Variants in CCDC15 observed in about 807,000 individuals in gnomAD.
CCDC15 encodes coiled-coil domain containing 15.
CCDC15 carries 105 observed loss-of-function variants against 114.5 expected under a neutral mutation model. That is an observed-to-expected ratio of 0.92 (90% CI 0.78 to 1.08). The LOEUF is 1.08. Ranked by LOEUF, CCDC15 falls within the 50% of genes least tolerant of loss-of-function variation. CCDC15 has a pLI of 0.00. For synonymous variants in CCDC15, 334 were observed against 377.8 expected (o/e 0.88, Z 1.34); for missense variants, 1,105 against 1,093.6 (o/e 1.01, Z -0.15).
chr11:125,018,482 C>G (rs760776655), intron 13 of CCDC15, among the ~76,000 whole-genome samples: 33 of 151,944 alleles, frequency 2.2e-4, no homozygotes, highest in Non-Finnish European at 2.1e-4. Flanking sequence ...GGAAATAGAT[C>G]ATTATAATAC....
rs551136661 is a variant in CCDC15 at position 125,011,532 on chromosome 11, G to A, written c.2411+6320G>A. On this transcript the variant is annotated intron_variant, in intron 13 of 15. Coordinates refer to ENST00000344762, the MANE Select transcript of CCDC15 (RefSeq NM_025004.3). Reference sequence around the variant, plus strand: ...ATTACAGGGTTGAGCCACCATGCCCGGCCGAAGTATTCTTTATTTAGAAGA... The same window carrying A: ...ATTACAGGGTTGAGCCACCATGCCCAGCCGAAGTATTCTTTATTTAGAAGA... Among the ~76,000 whole-genome samples the A allele has an allele frequency of 4.6e-3, 696 of 152,088 alleles. 3 individuals carry two copies. Among genetic ancestry groups the A allele is most frequent in the Middle Eastern group, 0.014 (4 of 294 alleles).
Position 124,959,988 on chromosome 11 carries a change from A to T in CCDC15, c.501A>T (p.Gln167His). ...EDEENQNELF[Q>H]QQAQALSETM... ...AAGAGAATCAGAACGAATTATTCCAACAACAAGCCCAGGCTGTAAGTACCT... is the reference window on the plus strand; with the variant it reads ...AAGAGAATCAGAACGAATTATTCCATCAACAAGCCCAGGCTGTAAGTACCT... The change falls in exon 4 of 16, where the codon CAA becomes CAT. Residue 167 changes from glutamine to histidine, a missense_variant. Transcript: ENST00000344762. 1 of 1,566,544 alleles carries T rather than the reference A, an allele frequency of 6.4e-7. No individual in the cohort carries two copies. Among genetic ancestry groups the T allele is most frequent in the Non-Finnish European group, 8.7e-7 (1 of 1,154,222 alleles).
chr11:124,963,918 C>A (rs113628156), intron 4 of CCDC15, among the ~76,000 whole-genome samples: 1 of 152,100 alleles, frequency 6.6e-6, no homozygotes, highest in Non-Finnish European at 1.5e-5. Flanking sequence ...CCATTTCTTG[C>A]TTTTGTCAGA....
chr11:124,985,959 A>G (rs772001616), intron 6 of CCDC15, among the ~76,000 whole-genome samples: 30 of 151,930 alleles, frequency 2.0e-4, no homozygotes, highest in African/African-American at 4.8e-5. Flanking sequence ...ATTTATTCCT[A>G]TGTGTTCTTT....
intron 11 of CCDC15, among the ~76,000 whole-genome samples, chr11:125,000,261 G>C (rs996405603): frequency 6.6e-6 from 1 of 152,132 alleles, no homozygotes; most frequent in Non-Finnish European, 1.5e-5. Context: ...CAGGCAGTCA[G>C]CCTGGTTAAA....
At chr11:125,030,165 C>T (rs1448367523) in intron 13 of CCDC15, among the ~76,000 whole-genome samples, 1 of 152,100 alleles carries the variant, frequency 6.6e-6, no homozygotes, top group African/African-American at 2.4e-5. Context: ...GGTGCTACTT[C>T]CACCCCTTGA....
At chr11:125,039,423 T>G in intron 15 of CCDC15, 1 of 184,860 alleles carries the variant, frequency 5.4e-6, no homozygotes, top group Non-Finnish European at 1.1e-5. Flanking sequence ...TAATGGTATG[T>G]AACATGGACG....
At position 125,005,773 on chromosome 11, in the gene CCDC15, G is replaced by C. The variant is rs137941689; in HGVS notation, c.2411+561G>C. Among the ~76,000 whole-genome samples the C allele has an allele frequency of 1.6e-3, 247 of 152,158 alleles. 2 individuals are homozygous for C. Among genetic ancestry groups the C allele is most frequent in the South Asian group, 0.012 (56 of 4,824 alleles). On this transcript the variant is annotated intron_variant, in intron 13 of 15. Coordinates refer to ENST00000344762, the MANE Select transcript of CCDC15 (RefSeq NM_025004.3). ...AACTCTCTACTGTCTCCATGGTTTT[G>C]CCTTTTCCAGAACGTCATATAGTTG...
intron 6 of CCDC15, among the ~76,000 whole-genome samples, chr11:124,985,216 ATAGATG>A (rs139117621): frequency 0.063 from 9,599 of 152,248 alleles, 359 homozygotes; most frequent in African/African-American, 0.11. Context: ...AATTTATTGT[ATAGATG>A]TACCACATTT....
rs1029460437 is a variant in CCDC15 at position 124,987,744 on chromosome 11, C to A, written c.1518C>A (p.Asp506Glu). 3.7e-6 allele frequency: 6 copies of A among 1,613,932 alleles called. No individual in the cohort carries two copies. Residue 506 changes from aspartate to glutamate, a missense_variant, in exon 8 of 16, where the codon GAC (aspartate) becomes GAA (glutamate). Transcript: ENST00000344762. Reference protein sequence around the residue: ...KYQDQNFLPKDQNFLSRDQHV... With the variant: ...KYQDQNFLPKEQNFLSRDQHV... ...AGGACCAGAATTTTCTACCTAAGGACCAGAATTTTTTGTCTAGAGACCAGC... is the reference window on the plus strand; with the variant it reads ...AGGACCAGAATTTTCTACCTAAGGAACAGAATTTTTTGTCTAGAGACCAGC...
intron 9 of CCDC15, 50 bp from the exon 10 acceptor site, chr11:124,992,530 A>G (rs1156328562): frequency 9.2e-7 from 1 of 1,084,278 alleles, no homozygotes; most frequent in Non-Finnish European, 1.4e-6. Context: ...GATTAGCATT[A>G]CACAATTTTT....
In CCDC15 at chr11:124,987,401, TGCTGAAAGCCCAGAGTATTGA is replaced by T; in HGVS notation, c.1179_1199del (p.Lys394_Leu400del). On this transcript the variant is annotated inframe_deletion, in exon 8 of 16. Coordinates refer to ENST00000344762, the MANE Select transcript of CCDC15 (RefSeq NM_025004.3). Reference sequence around the variant, plus strand: ...ATTAAGACAGAAACTCAGGGTATTATGCTGAAAGCCCAGAGTATTGAGCTAGAAGAAGGGAGTATTGTGTTG... The same window carrying T: ...ATTAAGACAGAAACTCAGGGTATTATGCTAGAAGAAGGGAGTATTGTGTTG... The T allele has an allele frequency of 6.2e-7, 1 of 1,614,012 alleles. No individual in the cohort carries two copies. The highest frequency in any genetic ancestry group is 1.1e-5 in the South Asian group (1 of 91,088).
intron 13 of CCDC15, among the ~76,000 whole-genome samples, chr11:125,023,922 G>A (rs1286185229): frequency 6.6e-6 from 1 of 151,974 alleles, no homozygotes; most frequent in African/African-American, 2.4e-5. Context: ...GTCTAAACTA[G>A]GATACAGAGA....
At chr11:125,003,596 T>C (rs1948512476) in intron 11 of CCDC15, among the ~76,000 whole-genome samples, 1 of 152,066 alleles carries the variant, frequency 6.6e-6, no homozygotes, top group Admixed American at 6.6e-5. Flanking sequence ...TTTAAAAGAA[T>C]TTTCATTCTG....
chr11:124,975,274 T>C (rs1211264174), intron 5 of CCDC15, 65 bp downstream of exon 5: 1 of 956,582 alleles, frequency 1.0e-6, no homozygotes, highest in Non-Finnish European at 1.5e-6. Context: ...AAGATTTACT[T>C]ATATCTCAGC....
At position 125,011,245 on chromosome 11, in the gene CCDC15, A is replaced by ATTTTTT. The variant is rs774447198; in HGVS notation, c.2411+6035_2411+6036insTTTTTT. Among the ~76,000 whole-genome samples the ATTTTTT allele has an allele frequency of 2.0e-4, 29 of 146,460 alleles. 1 individual carries two copies. The highest frequency in any genetic ancestry group is 1.3e-3 in the South Asian group (6 of 4,706). On this transcript the variant is annotated intron_variant, in intron 13 of 15. Coordinates refer to ENST00000344762, the MANE Select transcript of CCDC15 (RefSeq NM_025004.3). ...TATTATTATTATTATTATTATTATT[A>ATTTTTT]TTATTTTTTAAGATGGAGTTTCACT... is the stretch of plus-strand genomic sequence containing the variant.
Position 125,005,112 on chromosome 11 carries a change from CA to C in CCDC15, c.2315del (p.Lys772SerfsTer4). On this transcript the variant is annotated frameshift_variant, in exon 13 of 16. Coordinates refer to ENST00000344762, the MANE Select transcript of CCDC15 (RefSeq NM_025004.3). LOFTEE classifies it high-confidence loss of function. ...AATTTTAACTTCTTACCTTTAGCGT[CA>C]AAAGCAGTACCTGAGACATAGACGA... ...VDKEEDKKER[Q>X]KQYLRHRRLF... is the part of the protein sequence containing the mutation. 2 of 1,459,284 alleles carry C rather than the reference CA, an allele frequency of 1.4e-6. No homozygotes were observed. The highest frequency in any genetic ancestry group is 9.3e-7 in the Non-Finnish European group (1 of 1,074,876). The allele number at this position is 1,459,284 out of a possible 1,614,324, so 90.4% of individuals were successfully genotyped here. A position where few individuals can be genotyped will look rare whatever the true frequency, so the allele number is the denominator to read the frequency against.
In CCDC15 at chr11:125,010,963, G is replaced by A. The variant is rs191488414; in HGVS notation, c.2411+5751G>A. ...AATCTTTAATCCATCTTGAGTTAATGTTTGTGTATAGTAAAGGTAGGGGTC... is the reference window on the plus strand; with the variant it reads ...AATCTTTAATCCATCTTGAGTTAATATTTGTGTATAGTAAAGGTAGGGGTC... On this transcript the variant is annotated intron_variant, in intron 13 of 15. Coordinates refer to ENST00000344762, the MANE Select transcript of CCDC15 (RefSeq NM_025004.3). Among the ~76,000 whole-genome samples the A allele has an allele frequency of 2.6e-5, 4 of 152,080 alleles. No individual in the cohort carries two copies. The East Asian group carries it at 5.8e-4, about 22-fold the overall frequency.
At chr11:125,009,104 G>A (rs1446577931) in intron 13 of CCDC15, among the ~76,000 whole-genome samples, 1 of 151,272 alleles carries the variant, frequency 6.6e-6, no homozygotes. Context: ...TGTAATCCTT[G>A]TAATCCCAGC....
Sources: gnomAD v4.1 joint callset for allele counts (sites outside exome capture counted in the v4.1 genomes callset) on GRCh38, gnomAD v4.1.1 for gene constraint, MANE v1.5 for transcripts, NCBI Gene and HGNC (gene_info 2026-07-23, HGNC 2026-07-21) for gene names.